Variants in DCLRE1C observed in about 807,000 individuals in gnomAD.
The protein encoded by DCLRE1C is DNA cross-link repair 1C, also known as protein artemis.
In DCLRE1C, 47 loss-of-function variants were observed where a neutral mutation model predicts 61.4. The observed-to-expected ratio is 0.77, with a 90% CI of 0.61 to 0.98. The LOEUF is 0.98. Ranked by LOEUF, DCLRE1C falls within the 50% of genes least tolerant of loss-of-function variation. The pLI is 0.00. For synonymous variants in DCLRE1C, 337 were observed against 287.6 expected, an observed-to-expected ratio of 1.17 and a Z score of -1.74; for missense variants, 858 against 816.0, an observed-to-expected ratio of 1.05 and a Z score of -0.63.
At position 14,907,072 on chromosome 10, in the gene DCLRE1C, AG is replaced by A. The variant is rs1473430264; in HGVS notation, c.*1335del. Among the ~76,000 whole-genome samples the A allele has an allele frequency of 6.6e-6, 1 of 152,026 alleles. No individual in the cohort carries two copies. Among genetic ancestry groups the A allele is most frequent in the Admixed American group, 6.6e-5 (1 of 15,254 alleles). The stretch of plus-strand genomic sequence containing the variant: ...GACAGGGTCTCCCTGTGTGTTGCCC[AG>A]GCTGGACTCAAAACCCTGAGCTCAA... On this transcript the variant is annotated 3_prime_UTR_variant, in exon 14 of 14. Coordinates refer to ENST00000378278, the MANE Select transcript of DCLRE1C (RefSeq NM_001033855.3).
intron 9 of DCLRE1C, among the ~76,000 whole-genome samples, chr10:14,931,843 C>A (rs1839049343): frequency 6.6e-6 from 1 of 151,952 alleles, no homozygotes; most frequent in Non-Finnish European, 1.5e-5. Flanking sequence ...GTTCAAGACC[C>A]CCCTGGCCAA....
chr10:14,930,698 A>T (rs1776034174), intron 9 of DCLRE1C, among the ~76,000 whole-genome samples: 1 of 152,068 alleles, frequency 6.6e-6, no homozygotes, highest in Non-Finnish European at 1.5e-5. Context: ...CTCTTAAAGC[A>T]CTAGCATTAC....
In DCLRE1C at chr10:14,908,716, T is replaced by TGA. The variant is rs1834736591; in HGVS notation, c.1769_1770dup (p.Met591SerfsTer6). On this transcript the variant is annotated frameshift_variant, in exon 14 of 14. Transcript: ENST00000378278. LOFTEE classifies it low-confidence loss of function (END_TRUNC). ...TTTGGGCAAATTACATTTTGTTCCA[T>TGA]GAGAGAGGCAGGAATATTCTCTTTG... 6.2e-7 allele frequency: 1 copy of TGA among 1,614,128 alleles called. No individual in the cohort carries two copies. The highest frequency in any genetic ancestry group is 1.7e-5 in the Admixed American group (1 of 60,004).
At chr10:14,932,557 A>AC (rs914724277) in intron 9 of DCLRE1C, among the ~76,000 whole-genome samples, 2 of 151,978 alleles carry the variant, frequency 1.3e-5, no homozygotes, top group African/African-American at 4.8e-5. Flanking sequence ...GAACACGTGA[A>AC]CCCAGGGGGC....
Position 14,934,778 on chromosome 10 carries a change from G to C in DCLRE1C, c.465-3C>G. On this transcript the variant is annotated splice_region_variant and splice_polypyrimidine_tract_variant and intron_variant, in intron 6 of 13. Coordinates refer to ENST00000378278, the MANE Select transcript of DCLRE1C (RefSeq NM_001033855.3). ...ATACACTTTGGATGTCTTTGACTCTGAAAAGAAAAAAAATTGATGTTAGCC... is the reference window on the plus strand; with the variant it reads ...ATACACTTTGGATGTCTTTGACTCTCAAAAGAAAAAAAATTGATGTTAGCC... 6.2e-7 allele frequency: 1 copy of C among 1,609,192 alleles called. No homozygotes were observed. Among genetic ancestry groups the C allele is most frequent in the Non-Finnish European group, 8.5e-7 (1 of 1,175,818 alleles).
chr10:14,908,450 A>ACT lies in DCLRE1C; in HGVS notation c.2035_2036dup (p.Ser679ArgfsTer3), dbSNP rs1834675477. Reference sequence around the variant, plus strand: ...AGCATTTTCTTTTTTTGACTGCTATACTCTCACCAGTTGCCAGCTTCTCAT... The same window carrying ACT: ...AGCATTTTCTTTTTTTGACTGCTATACTCTCTCACCAGTTGCCAGCTTCTCAT... On this transcript the variant is annotated frameshift_variant, in exon 14 of 14. Coordinates refer to ENST00000378278, the MANE Select transcript of DCLRE1C (RefSeq NM_001033855.3). LOFTEE classifies it high-confidence loss of function. 6.2e-7 allele frequency: 1 copy of ACT among 1,613,342 alleles called. No homozygotes were observed. Among genetic ancestry groups the ACT allele is most frequent in the African/African-American group, 1.3e-5 (1 of 74,666 alleles).
chr10:14,950,000 A>G (rs937808943), intron 1 of DCLRE1C, among the ~76,000 whole-genome samples: 10 of 152,170 alleles, frequency 6.6e-5, no homozygotes, highest in African/African-American at 2.4e-4. Flanking sequence ...AGCCAAGGCC[A>G]TAACACTGCA....
Position 14,945,134 on chromosome 10 carries a change from G to T in DCLRE1C, c.217C>A (p.Pro73Thr). 2 of 1,612,676 alleles carry T rather than the reference G, an allele frequency of 1.2e-6. No homozygotes were observed. Among genetic ancestry groups the T allele is most frequent in the Non-Finnish European group, 8.5e-7 (1 of 1,179,560 alleles). ...PVTKELLLTS[P>T]KYRFWKKRII... ...CGTTTCTTCCAAAATCTGTATTTCGGGCTCGTTAACAACAACTCCTTAGTC... is the reference window on the plus strand; with the variant it reads ...CGTTTCTTCCAAAATCTGTATTTCGTGCTCGTTAACAACAACTCCTTAGTC... Residue 73 changes from proline (P) to threonine (T), a missense_variant, in exon 3 of 14, where the codon CCG becomes ACG. Transcript: ENST00000378278.
chr10:14,920,323 G>T, intron 12 of DCLRE1C: 1 of 942,754 alleles, frequency 1.1e-6, no homozygotes, highest in Non-Finnish European at 1.3e-6. Flanking sequence ...TGAAAGCTAA[G>T]ACAAAGTGGA....
chr10:14,951,389 C>CCA (rs1842436032), intron 1 of DCLRE1C, among the ~76,000 whole-genome samples: 1 of 46,036 alleles, frequency 2.2e-5, no homozygotes, highest in South Asian at 1.2e-3. Context: ...AACCCTGTCT[C>CCA]AAAAAAAAAA....
chr10:14,936,482 A>G (rs1233142499), intron 5 of DCLRE1C, 56 bp downstream of exon 5: 2 of 1,437,248 alleles, frequency 1.4e-6, no homozygotes, highest in African/African-American at 1.4e-5. Flanking sequence ...ATTTATTTCT[A>G]CAAATACAAT....
intron 13 of DCLRE1C, among the ~76,000 whole-genome samples, chr10:14,913,350 C>T (rs1289970485): frequency 3.9e-5 from 6 of 152,266 alleles, no homozygotes; most frequent in Admixed American, 1.3e-4. Flanking sequence ...TACTAACAGT[C>T]GTGGAATTGT....
At chr10:14,916,715 C>T (rs1449196104) in intron 13 of DCLRE1C, among the ~76,000 whole-genome samples, 1 of 152,144 alleles carries the variant, frequency 6.6e-6, no homozygotes, top group Non-Finnish European at 1.5e-5. Flanking sequence ...TTTACACAGA[C>T]TTATACGCTG....
intron 9 of DCLRE1C, among the ~76,000 whole-genome samples, chr10:14,930,277 C>CT (rs1564425216): frequency 1.6e-5 from 2 of 127,432 alleles, no homozygotes; most frequent in African/African-American, 6.4e-5. Context: ...ACACTCAGCA[C>CT]CTTTTTTTTT....
chr10:14,924,448 A>G (rs1422301153), intron 11 of DCLRE1C, among the ~76,000 whole-genome samples: 1 of 152,210 alleles, frequency 6.6e-6, no homozygotes, highest in African/African-American at 2.4e-5. Context: ...TGAGCTTGTG[A>G]TCTCAGTCAA....
At chr10:14,918,953 C>G (rs1836653074) in intron 13 of DCLRE1C, among the ~76,000 whole-genome samples, 1 of 152,104 alleles carries the variant, frequency 6.6e-6, no homozygotes, top group South Asian at 2.1e-4. Context: ...CTTCAGTTTC[C>G]TCATCATTAT....
intron 1 of DCLRE1C, among the ~76,000 whole-genome samples, chr10:14,951,038 A>G (rs1842385335): frequency 3.3e-5 from 5 of 152,160 alleles, no homozygotes. Context: ...CAGATGGCCC[A>G]CAAATAAGCA....
intron 10 of DCLRE1C, 92 bp downstream of exon 10, chr10:14,927,924 C>A: frequency 2.7e-6 from 3 of 1,095,510 alleles, no homozygotes; most frequent in Admixed American, 2.2e-5. Flanking sequence ...TAATTATATT[C>A]TTGGGCTTAG....
intron 11 of DCLRE1C, chr10:14,923,326 T>G (rs1433504462): frequency 2.3e-6 from 1 of 442,054 alleles, no homozygotes; most frequent in African/African-American, 2.0e-5. Context: ...CAGGTGATTC[T>G]GATCCACAGT....
Sources: gnomAD v4.1 joint callset for allele counts (sites outside exome capture counted in the v4.1 genomes callset) on GRCh38, gnomAD v4.1.1 for gene constraint, MANE v1.5 for transcripts, NCBI Gene and HGNC (gene_info 2026-07-23, HGNC 2026-07-21) for gene names.